Variants in KLF3 observed in about 807,000 individuals in gnomAD.
KLF3 encodes the protein KLF transcription factor 3.
A neutral mutation model predicts 32.7 loss-of-function variants in KLF3; 6 were observed. That is an observed-to-expected ratio of 0.18 (90% CI 0.10 to 0.36). The LOEUF (loss-of-function observed/expected upper bound fraction) is 0.36, where lower values mean the gene tolerates loss of function less well. Among genes scored for constraint, KLF3 ranks in the 10% least tolerant of loss-of-function variants. KLF3 has a pLI of 1.00. For missense variants in KLF3, 338 were observed against 449.7 expected (o/e 0.75, Z 2.25); for synonymous variants, 145 against 172.8 (o/e 0.84, Z 1.26).
chr4:38,668,743 CAG>C (rs1356600812), intron 1 of KLF3, among the ~76,000 whole-genome samples: 12 of 152,154 alleles, frequency 7.9e-5, no homozygotes, highest in Admixed American at 7.2e-4. Context: ...GTTTGGTAAA[CAG>C]AGTCTTTATT....
chr4:38,678,568 G>T (rs760065312), intron 1 of KLF3, among the ~76,000 whole-genome samples: 2 of 152,148 alleles, frequency 1.3e-5, no homozygotes, highest in Non-Finnish European at 2.9e-5. Context: ...TGAAATTCGT[G>T]TGTTGTCATG....
At chr4:38,681,493 C>T (rs955804024) in intron 2 of KLF3, among the ~76,000 whole-genome samples, 13 of 152,174 alleles carry the variant, frequency 8.5e-5, no homozygotes, top group Non-Finnish European at 1.3e-4. Flanking sequence ...AGCACCTTAG[C>T]GCTAAGCCAG....
rs370725623 is a variant in KLF3 at position 38,666,369 on chromosome 4, C to CT, written c.-40+1915dup. Among the ~76,000 whole-genome samples the CT allele has an allele frequency of 1.2e-4, 18 of 151,790 alleles. No homozygotes were observed. In the East Asian group the frequency reaches 3.5e-3, roughly 29 times the overall value. ...TTGTTGCTATGGGCACAGTGATGCT[C>CT]TTTTTTTCCTTTTTTTTTCTTTTTT... On this transcript the variant is annotated intron_variant, in intron 1 of 5. Transcript: ENST00000261438.
At chr4:38,668,856 A>G (rs765970978) in intron 1 of KLF3, among the ~76,000 whole-genome samples, 2 of 152,244 alleles carry the variant, frequency 1.3e-5, no homozygotes, top group Admixed American at 1.3e-4. Context: ...AAATTCTGCA[A>G]GCTTCTAAAT....
At position 38,674,902 on chromosome 4, in the gene KLF3, G is replaced by C. The variant is rs1032691880; in HGVS notation, c.-39-5685G>C. ...AAATCATGCTCTAGCCTCCAGGCAA[G>C]CTGCTTTCAGAGGAGGTTTAGTAAC... On this transcript the variant is annotated intron_variant, in intron 1 of 5. Transcript: ENST00000261438. The surrounding 1 kb of genome is among the most constrained non-coding windows in gnomAD (Gnocchi z 4.1). Among the ~76,000 whole-genome samples, 31 of 152,198 alleles carry C rather than the reference G, an allele frequency of 2.0e-4. No homozygotes were observed. The highest frequency in any genetic ancestry group is 1.1e-3 in the Admixed American group (17 of 15,276).
chr4:38,675,251 T>C (rs952164028), intron 1 of KLF3, among the ~76,000 whole-genome samples: 5 of 152,242 alleles, frequency 3.3e-5, no homozygotes, highest in African/African-American at 1.2e-4. Context: ...TTGGCCTTTC[T>C]CTGCAAAATA....
intron 2 of KLF3, chr4:38,680,903 A>T (rs188574512): frequency 1.5e-4 from 56 of 369,996 alleles, no homozygotes; most frequent in African/African-American, 1.1e-3. Context: ...ATACCAAATT[A>T]GCCGGGCGTG....
chr4:38,677,567 G>A (rs1023989683), intron 1 of KLF3, among the ~76,000 whole-genome samples: 9 of 152,194 alleles, frequency 5.9e-5, no homozygotes, highest in Non-Finnish European at 1.0e-4. Flanking sequence ...GTCGTAAAGC[G>A]TGCAGGATGA....
intron 2 of KLF3, among the ~76,000 whole-genome samples, chr4:38,686,911 C>T (rs1364876656): frequency 6.6e-6 from 1 of 152,226 alleles, no homozygotes. Context: ...AAAAACAACA[C>T]AGATGATTCC....
chr4:38,698,863 TGGA>T lies in KLF3; in HGVS notation c.*1605_*1607del, dbSNP rs1287572267. ...TAACCAAATTCCCCTTCATCAAGAA[TGGA>T]GGAGAAGAGAGAAGAATGAAATCCT... On this transcript the variant is annotated 3_prime_UTR_variant, in exon 6 of 6. Coordinates refer to ENST00000261438, the MANE Select transcript of KLF3 (RefSeq NM_016531.6). The T allele has an allele frequency of 2.6e-5, 4 of 152,110 alleles. No individual in the cohort carries two copies. Among genetic ancestry groups the T allele is most frequent in the Non-Finnish European group, 5.9e-5 (4 of 68,016 alleles). 9.4% of individuals were successfully genotyped at this position (152,110 alleles called of 1,614,324 possible). A position where few individuals can be genotyped will look rare whatever the true frequency, so the allele number is the denominator to read the frequency against.
chr4:38,688,355 A>T lies in KLF3; in HGVS notation c.58-230A>T, dbSNP rs1018996591. Among the ~76,000 whole-genome samples the T allele has an allele frequency of 6.6e-6, 1 of 152,182 alleles. No homozygotes were observed. On this transcript the variant is annotated intron_variant, in intron 2 of 5. Transcript: ENST00000261438. The surrounding 1 kb of genome is among the most constrained non-coding windows in gnomAD (Gnocchi z 4.9). ...TTCAGATTTTTCATCTGCAGTAGTG[A>T]CCACATTGATCTTAGTTTTAATATT...
In KLF3 at chr4:38,698,933, T is replaced by C. The variant is rs1480638847; in HGVS notation, c.*1670T>C. The C allele has an allele frequency of 6.6e-6, 1 of 152,182 alleles. No individual in the cohort carries two copies. Among genetic ancestry groups the C allele is most frequent in the Non-Finnish European group, 1.5e-5 (1 of 68,032 alleles). 9.4% of individuals were successfully genotyped at this position (152,182 alleles called of 1,614,324 possible). ...CGCAACTCAGGATCCAACACAACTT[T>C]AACTGGGAGGAATACATTGTTTGAT... is the stretch of plus-strand genomic sequence containing the variant. On this transcript the variant is annotated 3_prime_UTR_variant, in exon 6 of 6. Transcript: ENST00000261438.
chr4:38,692,123 A>T (rs975639863), intron 4 of KLF3, among the ~76,000 whole-genome samples: 5 of 152,356 alleles, frequency 3.3e-5, no homozygotes, highest in South Asian at 2.1e-4. Context: ...TAAGGATCAG[A>T]TTTCCCTATT....
At chr4:38,693,103 T>TAC (rs1491300202) in intron 4 of KLF3, among the ~76,000 whole-genome samples, 1 of 87,124 alleles carries the variant, frequency 1.1e-5, no homozygotes, top group Non-Finnish European at 2.4e-5. Context: ...TATATATATA[T>TAC]GTACATATAT....
chr4:38,695,413 G>A (rs542805917), intron 5 of KLF3, among the ~76,000 whole-genome samples: 25 of 152,280 alleles, frequency 1.6e-4, no homozygotes, highest in Admixed American at 9.2e-4. Flanking sequence ...CTCTTATGCC[G>A]TTGCCTACCA....
Position 38,701,499 on chromosome 4 carries a change from T to G in KLF3, c.*4236T>G, listed in dbSNP as rs1409484265. ...CAGAACAATAACGCATTAAAGTAAA[T>G]AACTCTGGATAAAAGTAATTATTTT... On this transcript the variant is annotated 3_prime_UTR_variant, in exon 6 of 6. Coordinates refer to ENST00000261438, the MANE Select transcript of KLF3 (RefSeq NM_016531.6). Among the ~76,000 whole-genome samples the G allele has an allele frequency of 2.0e-5, 3 of 152,200 alleles. No homozygotes were observed. Among genetic ancestry groups the G allele is most frequent in the Non-Finnish European group, 2.9e-5 (2 of 68,016 alleles).
chr4:38,666,994 G>A (rs1182553888), intron 1 of KLF3, among the ~76,000 whole-genome samples: 1 of 152,222 alleles, frequency 6.6e-6, no homozygotes, highest in Admixed American at 6.5e-5. Flanking sequence ...TCAGGAGGGA[G>A]GCTAGTGTTC....
intron 2 of KLF3, among the ~76,000 whole-genome samples, chr4:38,687,073 G>A (rs1722725677): frequency 6.6e-6 from 1 of 152,196 alleles, no homozygotes; most frequent in African/African-American, 2.4e-5. Flanking sequence ...GAAATTAATA[G>A]TGCATTTACG....
At chr4:38,672,989 G>A (rs1450754457) in intron 1 of KLF3, among the ~76,000 whole-genome samples, 1 of 152,170 alleles carries the variant, frequency 6.6e-6, no homozygotes, top group Admixed American at 6.5e-5. Flanking sequence ...AACAAGGAGG[G>A]GTAGGGTTGG....
Sources: allele counts gnomAD v4.1 joint callset (sites outside exome capture counted in the v4.1 genomes callset), GRCh38; gene constraint gnomAD v4.1.1; non-coding constraint Gnocchi (gnomAD v3.1); transcripts MANE v1.5; gene names NCBI Gene and HGNC (gene_info 2026-07-23, HGNC 2026-07-21).